PRKN: variants seen among roughly 807,000 people sequenced by gnomAD.
PRKN encodes the protein parkin RBR E3 ubiquitin protein ligase, also known as E3 ubiquitin-protein ligase parkin.
PRKN carries 56 observed loss-of-function variants against 59.5 expected under a neutral mutation model. The observed-to-expected ratio is 0.94, with a 90% CI of 0.76 to 1.18. PRKN has a LOEUF of 1.18. Ranked by LOEUF, PRKN falls within the 50% of genes most tolerant of loss-of-function variation. PRKN has a pLI of 0.00. For synonymous variants in PRKN, 250 were observed against 222.1 expected, an observed-to-expected ratio of 1.13 and a Z score of -1.12; for missense variants, 657 against 596.4, an observed-to-expected ratio of 1.10 and a Z score of -1.06.
intron 3 of PRKN, among the ~76,000 whole-genome samples, chr6:162,211,043 G>T (rs889791397): frequency 2.6e-5 from 4 of 152,212 alleles, no homozygotes; most frequent in South Asian, 2.1e-4. Context: ...ACAGCACTCG[G>T]GGTCATCAGA....
At chr6:162,401,538 A>G (rs1787794252) in intron 2 of PRKN, among the ~76,000 whole-genome samples, 1 of 152,170 alleles carries the variant, frequency 6.6e-6, no homozygotes, top group Non-Finnish European at 1.5e-5. Context: ...ATCTCATGTA[A>G]TTTATTGAAT....
At chr6:162,087,172 GT>G in intron 4 of PRKN, among the ~76,000 whole-genome samples, 1 of 152,170 alleles carries the variant, frequency 6.6e-6, no homozygotes. Flanking sequence ...TTTTATTTTT[GT>G]TTTAATGTAA....
rs537569894 is a variant in PRKN, at chr6:162,166,833, T to C, written c.534+34298A>G. Among the ~76,000 whole-genome samples the C allele has an allele frequency of 6.6e-5, 10 of 152,154 alleles. No individual in the cohort carries two copies. The East Asian group carries it at 1.8e-3, about 27-fold the overall frequency. Reference sequence around the variant, plus strand: ...GCACAATTCTATGAGACATTCTCCATAGCTCCTCAGATGCCCAATGAGACT... The same window carrying C: ...GCACAATTCTATGAGACATTCTCCACAGCTCCTCAGATGCCCAATGAGACT... On this transcript the variant is annotated intron_variant, in intron 4 of 11. Coordinates refer to ENST00000366898, the MANE Select transcript of PRKN (RefSeq NM_004562.3).
intron 5 of PRKN, among the ~76,000 whole-genome samples, chr6:162,013,824 G>C (rs1014746604): frequency 6.6e-6 from 1 of 152,106 alleles, no homozygotes; most frequent in Non-Finnish European, 1.5e-5. Context: ...TATGCTAAAA[G>C]TATGTAGTAA....
At chr6:161,957,436 G>GTTTT (rs10682757) in intron 6 of PRKN, among the ~76,000 whole-genome samples, 4,215 of 116,688 alleles carry the variant, frequency 0.036, 123 homozygotes, top group African/African-American at 0.051. Context: ...TTGTTTGTTT[G>GTTTT]TTTTTTTGAG....
intron 7 of PRKN, among the ~76,000 whole-genome samples, chr6:161,712,572 T>C (rs1786792800): frequency 6.6e-6 from 1 of 152,320 alleles, no homozygotes; most frequent in East Asian, 1.9e-4. Flanking sequence ...ATAGCACTAA[T>C]TCTAAAATTT....
chr6:161,806,610 A>G (rs1052856058), intron 6 of PRKN, among the ~76,000 whole-genome samples: 1 of 152,152 alleles, frequency 6.6e-6, no homozygotes, highest in Non-Finnish European at 1.5e-5. Flanking sequence ...CTGATTCTGG[A>G]GGAGCGAGCA....
intron 7 of PRKN, among the ~76,000 whole-genome samples, chr6:161,630,584 T>C (rs1430860137): frequency 6.6e-6 from 1 of 152,222 alleles, no homozygotes; most frequent in Non-Finnish European, 1.5e-5. Context: ...GTTTCAGAAG[T>C]ACCAGTGTGT....
chr6:161,777,908 G>GTATATATA (rs1242912497), intron 7 of PRKN, among the ~76,000 whole-genome samples: 51 of 143,780 alleles, frequency 3.5e-4, no homozygotes, highest in South Asian at 1.5e-3. Context: ...ACATATATAT[G>GTATATATA]TGTATATATA....
chr6:162,716,703 A>G (rs1233831210), intron 1 of PRKN, among the ~76,000 whole-genome samples: 5 of 138,406 alleles, frequency 3.6e-5, no homozygotes, highest in Non-Finnish European at 7.8e-5. Flanking sequence ...TACCTTGAAA[A>G]GTGAGTTATG....
intron 7 of PRKN, among the ~76,000 whole-genome samples, chr6:161,753,155 T>G (rs1788764454): frequency 6.6e-6 from 1 of 151,918 alleles, no homozygotes; most frequent in South Asian, 2.1e-4. Flanking sequence ...AGACATAAAT[T>G]TAGAAGTCAT....
rs181501801 is a variant in PRKN at position 162,316,806 on chromosome 6, G to A, written c.172-54041C>T. On this transcript the variant is annotated intron_variant, in intron 2 of 11. Coordinates refer to ENST00000366898, the MANE Select transcript of PRKN (RefSeq NM_004562.3). Reference sequence around the variant, plus strand: ...CATTCCTTTCTTTAAAAGGATCTCAGTATAGTTAATGAAATAAGACATATT... The same window carrying A: ...CATTCCTTTCTTTAAAAGGATCTCAATATAGTTAATGAAATAAGACATATT... Among the ~76,000 whole-genome samples the A allele has an allele frequency of 9.2e-5, 14 of 152,190 alleles. No individual in the cohort carries two copies. In the East Asian group the frequency reaches 2.7e-3, roughly 29 times the overall value.
intron 5 of PRKN, among the ~76,000 whole-genome samples, chr6:162,025,176 T>C (rs957689281): frequency 7.9e-5 from 12 of 152,000 alleles, no homozygotes; most frequent in East Asian, 2.0e-4. Context: ...CCACCACGCC[T>C]GGCTAATTTT....
At chr6:162,673,859 C>T (rs1214152047) in intron 1 of PRKN, among the ~76,000 whole-genome samples, 3 of 152,148 alleles carry the variant, frequency 2.0e-5, no homozygotes, top group Non-Finnish European at 2.9e-5. Context: ...TGGCGGAAGG[C>T]GGCAGTGTTT....
chr6:162,205,629 G>GATAA (rs1317558042), intron 3 of PRKN, among the ~76,000 whole-genome samples: 2 of 152,118 alleles, frequency 1.3e-5, no homozygotes, highest in Admixed American at 6.6e-5. Flanking sequence ...GATTTTAAGT[G>GATAA]ATATTTATCA....
intron 6 of PRKN, among the ~76,000 whole-genome samples, chr6:161,942,645 C>T (rs1779608555): frequency 1.3e-5 from 2 of 152,138 alleles, no homozygotes; most frequent in Non-Finnish European, 2.9e-5. Flanking sequence ...AAATTGCTCC[C>T]ATTATACCTA....
intron 1 of PRKN, among the ~76,000 whole-genome samples, chr6:162,711,860 C>T (rs557370041): frequency 3.9e-5 from 6 of 152,268 alleles, no homozygotes; most frequent in South Asian, 2.1e-4. Context: ...AACTTTCTTG[C>T]GCAGATCATA....
chr6:161,384,965 C>G (rs1006343298), intron 10 of PRKN, among the ~76,000 whole-genome samples: 1 of 152,180 alleles, frequency 6.6e-6, no homozygotes, highest in African/African-American at 2.4e-5. Context: ...GAGTCTCACT[C>G]TGTCACCAGG....
chr6:162,200,188 C>A (rs529442247), intron 4 of PRKN, among the ~76,000 whole-genome samples: 1 of 152,146 alleles, frequency 6.6e-6, no homozygotes, highest in Non-Finnish European at 1.5e-5. Context: ...TCCTTGACAC[C>A]CCCGTGTCTG....
Sources: allele counts gnomAD v4.1 joint callset (sites outside exome capture counted in the v4.1 genomes callset), GRCh38; gene constraint gnomAD v4.1.1; transcripts MANE v1.5; gene names NCBI Gene and HGNC (gene_info 2026-07-23, HGNC 2026-07-21).